SV2B: variants seen among roughly 807,000 people sequenced by gnomAD.
The protein encoded by SV2B is synaptic vesicle glycoprotein 2B.
SV2B carries 41 observed loss-of-function variants against 73.9 expected under a neutral mutation model. That is an observed-to-expected ratio of 0.56 (90% CI 0.43 to 0.72). SV2B has a LOEUF of 0.72. SV2B is among the 30% of genes least tolerant of loss of function. The pLI is 0.00. For synonymous variants in SV2B, 314 were observed against 314.2 expected (o/e 1.00, Z 0.01); for missense variants, 764 against 857.8 (o/e 0.89, Z 1.37).
chr15:91,138,316 C>T (rs72764728), intron 1 of SV2B, among the ~76,000 whole-genome samples: 17,096 of 152,122 alleles, frequency 0.11, 1,024 homozygotes, highest in Non-Finnish European at 0.12. Flanking sequence ...CTAGTGTGAC[C>T]GAGGAACTAA....
intron 1 of SV2B, among the ~76,000 whole-genome samples, chr15:91,221,116 T>G (rs147469957): frequency 3.9e-4 from 59 of 152,248 alleles, no homozygotes; most frequent in African/African-American, 1.0e-3. Flanking sequence ...TCCTCCCACC[T>G]CAGCCTCCTA....
At chr15:91,111,125 G>A (rs2042023898) in intron 1 of SV2B, among the ~76,000 whole-genome samples, 1 of 152,254 alleles carries the variant, frequency 6.6e-6, no homozygotes, top group Non-Finnish European at 1.5e-5. Flanking sequence ...ACTGGTGGCC[G>A]CCTGCTTCTT....
chr15:91,103,236 G>A (rs973334162), intron 1 of SV2B, among the ~76,000 whole-genome samples: 1 of 152,204 alleles, frequency 6.6e-6, no homozygotes, highest in African/African-American at 2.4e-5. Flanking sequence ...GCAACAGGAA[G>A]CACAGGAATT....
rs2043251569 is a variant in SV2B, at chr15:91,149,690, G to A, written c.-392+49327G>A. On this transcript the variant is annotated intron_variant, in intron 1 of 12. Transcript: ENST00000394232. ...TTTCAAATTCAACCTTGGCCAAGGT[G>A]GTGCTATCTGTTGTCCTCATGTGAG... 2.6e-5 allele frequency among the ~76,000 whole-genome samples: 4 copies of A among 152,150 alleles called. No homozygotes were observed. In the South Asian group the frequency reaches 8.3e-4, roughly 32 times the overall value.
At chr15:91,272,644 T>G (rs1277590069) in intron 9 of SV2B, among the ~76,000 whole-genome samples, 1 of 151,952 alleles carries the variant, frequency 6.6e-6, no homozygotes, top group Non-Finnish European at 1.5e-5. Flanking sequence ...TAGCTCAGTA[T>G]GAAAATGAAG....
At chr15:91,168,331 A>AGAGAGAGAGAGAG (rs58086579) in intron 1 of SV2B, among the ~76,000 whole-genome samples, 8 of 151,134 alleles carry the variant, frequency 5.3e-5, no homozygotes, top group South Asian at 2.1e-4. Context: ...AGAGAGAGAG[A>AGAGAGAGAGAGAG]AAAGAAATTT....
rs2047551495 is a variant in SV2B at position 91,253,013 on chromosome 15, G to C, written c.784+493G>C. 6.6e-6 allele frequency among the ~76,000 whole-genome samples: 1 copy of C among 152,082 alleles called. No individual in the cohort carries two copies. On this transcript the variant is annotated intron_variant, in intron 4 of 12. Coordinates refer to ENST00000394232, the MANE Select transcript of SV2B (RefSeq NM_001323032.3). The surrounding 1 kb of genome is among the most constrained non-coding windows in gnomAD (Gnocchi z 5.0). Reference sequence around the variant, plus strand: ...GTAGGCTTGTACTCTTTCTGCCCTGGTGCCTGCTGTCACTCTTGTTTGGCC... The same window carrying C: ...GTAGGCTTGTACTCTTTCTGCCCTGCTGCCTGCTGTCACTCTTGTTTGGCC...
intron 1 of SV2B, among the ~76,000 whole-genome samples, chr15:91,162,207 T>G (rs565915593): frequency 6.6e-6 from 1 of 152,120 alleles, no homozygotes; most frequent in South Asian, 2.1e-4. Context: ...AAAAGAAAAA[T>G]GTGTATGTCT....
At chr15:91,205,256 C>T (rs568089526) in intron 1 of SV2B, among the ~76,000 whole-genome samples, 40 of 152,122 alleles carry the variant, frequency 2.6e-4, no homozygotes, top group Admixed American at 5.9e-4. Flanking sequence ...GTGTGAGGGC[C>T]GACATCAGGG....
In SV2B at chr15:91,241,404, C is replaced by T. The variant is rs564778721; in HGVS notation, c.452-10415C>T. 6.6e-6 allele frequency among the ~76,000 whole-genome samples: 1 copy of T among 152,326 alleles called. No homozygotes were observed. Among genetic ancestry groups the T allele is most frequent in the South Asian group, 2.1e-4 (1 of 4,824 alleles). ...AACACAGAACATACAATGTTGCCCA[C>T]TGGCCTCACTAAATTGATGATGCAG... On this transcript the variant is annotated intron_variant, in intron 2 of 12. Coordinates refer to ENST00000394232, the MANE Select transcript of SV2B (RefSeq NM_001323032.3). This position sits in a 1 kb window ranked among gnomAD's most constrained non-coding sequence, Gnocchi z 4.8.
intron 1 of SV2B, among the ~76,000 whole-genome samples, chr15:91,205,665 C>T (rs2141401409): frequency 6.6e-6 from 1 of 152,160 alleles, no homozygotes; most frequent in Middle Eastern, 3.4e-3. Context: ...CACGCCCTGC[C>T]CAGGATAACA....
rs145958510 is a variant in SV2B at position 91,279,422 on chromosome 15, G to A, written c.1374-2306G>A. Among the ~76,000 whole-genome samples the A allele has an allele frequency of 2.4e-3, 365 of 152,328 alleles. 2 individuals carry two copies. Among genetic ancestry groups the A allele is most frequent in the African/African-American group, 8.2e-3 (339 of 41,556 alleles). ...TGCCAATGGCTTCTGTTGCCTTAAAGGAAAAGCTTACAAAGTACTGTTGCT... is the reference window on the plus strand; with the variant it reads ...TGCCAATGGCTTCTGTTGCCTTAAAAGAAAAGCTTACAAAGTACTGTTGCT... On this transcript the variant is annotated intron_variant, in intron 9 of 12. Transcript: ENST00000394232.
intron 1 of SV2B, among the ~76,000 whole-genome samples, chr15:91,113,814 A>G (rs927100999): frequency 6.6e-6 from 1 of 152,104 alleles, no homozygotes; most frequent in African/African-American, 2.4e-5. Context: ...CAATTTCCTG[A>G]TCTTTAAAAT....
intron 2 of SV2B, among the ~76,000 whole-genome samples, chr15:91,233,020 T>G (rs975388857): frequency 6.6e-6 from 1 of 152,226 alleles, no homozygotes; most frequent in Non-Finnish European, 1.5e-5. Flanking sequence ...ATCCATGTTG[T>G]TGTAAAGAAC....
In SV2B at chr15:91,290,779, G is replaced by A. The variant is rs995369685; in HGVS notation, c.1868+1099G>A. 6.6e-6 allele frequency among the ~76,000 whole-genome samples: 1 copy of A among 152,064 alleles called. No homozygotes were observed. The highest frequency in any genetic ancestry group is 1.5e-5 in the Non-Finnish European group (1 of 68,018). Reference sequence around the variant, plus strand: ...CCAACTCAGTGATTTGGGAGGCCGAGGCAAAAGGATTGCTTGAAGGCTGGA... The same window carrying A: ...CCAACTCAGTGATTTGGGAGGCCGAAGCAAAAGGATTGCTTGAAGGCTGGA... On this transcript the variant is annotated intron_variant, in intron 12 of 12. Transcript: ENST00000394232. This position sits in a 1 kb window ranked among gnomAD's most constrained non-coding sequence, Gnocchi z 4.7.
At chr15:91,270,903 G>A (rs1375508176) in intron 9 of SV2B, among the ~76,000 whole-genome samples, 1 of 140,244 alleles carries the variant, frequency 7.1e-6, no homozygotes, top group Non-Finnish European at 1.5e-5. Flanking sequence ...TGGGAGGACG[G>A]TGAGTCCTGT....
chr15:91,226,431 A>G lies in SV2B; in HGVS notation c.168A>G (p.Pro56=). The stretch of plus-strand genomic sequence containing the variant: ...GCGAGTACCAGGGTATCCCTCACCC[A>G]GATGATGTCAAGGCCAAGCAGGCCA... ...YEGEYQGIPH[P]DDVKAKQAKM... is the part of the protein sequence containing the mutation. Residue 56 remains proline, a synonymous_variant, in exon 2 of 13, where the codon CCA becomes CCG. Transcript: ENST00000394232. 1 of 1,614,208 alleles carries G rather than the reference A, an allele frequency of 6.2e-7. No homozygotes were observed. The highest frequency in any genetic ancestry group is 8.5e-7 in the Non-Finnish European group (1 of 1,180,028).
chr15:91,209,021 A>G (rs2045746019), intron 1 of SV2B, among the ~76,000 whole-genome samples: 1 of 151,614 alleles, frequency 6.6e-6, no homozygotes, highest in South Asian at 2.1e-4. Context: ...CCTGCTACAT[A>G]GGTGACAGAA....
At chr15:91,161,380 A>C (rs1035234570) in intron 1 of SV2B, among the ~76,000 whole-genome samples, 6 of 152,368 alleles carry the variant, frequency 3.9e-5, no homozygotes, top group South Asian at 4.1e-4. Context: ...GGCATATTGA[A>C]ACATTTTCTT....
Sources: gnomAD v4.1 joint callset for allele counts (sites outside exome capture counted in the v4.1 genomes callset) on GRCh38, gnomAD v4.1.1 for gene constraint, Gnocchi (gnomAD v3.1) non-coding constraint, MANE v1.5 for transcripts, NCBI Gene and HGNC (gene_info 2026-07-23, HGNC 2026-07-21) for gene names.